CSMD2: variants seen among roughly 807,000 people sequenced by gnomAD.
CSMD2 encodes CUB and Sushi multiple domains 2.
In CSMD2, 130 loss-of-function variants were observed where a neutral mutation model predicts 398.5. The observed-to-expected ratio is 0.33, with a 90% CI of 0.28 to 0.38. The LOEUF is 0.38. Ranked by LOEUF, CSMD2 falls within the 10% of genes least tolerant of loss-of-function variation. The pLI is 1.00. For missense variants in CSMD2, 3,829 were observed against 4,764.9 expected (o/e 0.80, Z 5.78); for synonymous variants, 1,828 against 1,908.5 (o/e 0.96, Z 1.10).
intron 5 of CSMD2, among the ~76,000 whole-genome samples, chr1:33,873,962 G>T (rs1640653349): frequency 6.6e-6 from 1 of 152,194 alleles, no homozygotes; most frequent in Admixed American, 6.5e-5. Context: ...AGGTCTGGTA[G>T]ACTTCAACCT....
At chr1:33,816,240 A>C (rs761978104) in intron 9 of CSMD2, among the ~76,000 whole-genome samples, 2 of 152,256 alleles carry the variant, frequency 1.3e-5, no homozygotes, top group African/African-American at 4.8e-5. Context: ...AATAATATAT[A>C]TAAGTTCCTG....
Position 33,533,747 on chromosome 1 carries a change from G to T in CSMD2, c.9991+49C>A. Reference sequence around the variant, plus strand: ...CATTCAAACATGACCCAGATGCCCAGCTGGGGCAAGAGGAATTTTCTTGGG... The same window carrying T: ...CATTCAAACATGACCCAGATGCCCATCTGGGGCAAGAGGAATTTTCTTGGG... On this transcript the variant is annotated intron_variant, in intron 63 of 70. Coordinates refer to ENST00000373381, the MANE Select transcript of CSMD2 (RefSeq NM_001281956.2). This position sits in a 1 kb window ranked among gnomAD's most constrained non-coding sequence, Gnocchi z 4.2. The T allele has an allele frequency of 7.9e-7, 1 of 1,264,010 alleles. No individual in the cohort carries two copies. Among genetic ancestry groups the T allele is most frequent in the Non-Finnish European group, 1.2e-6 (1 of 862,878 alleles). 78.3% of individuals were successfully genotyped at this position (1,264,010 alleles called of 1,614,324 possible).
chr1:34,028,412 A>G (rs1291161906), intron 3 of CSMD2, among the ~76,000 whole-genome samples: 1 of 152,214 alleles, frequency 6.6e-6, no homozygotes, highest in African/African-American at 2.4e-5. Flanking sequence ...TAAAATTCAG[A>G]TTAACTGAGT....
At chr1:34,053,210 A>G (rs1489424957) in intron 2 of CSMD2, among the ~76,000 whole-genome samples, 1 of 152,176 alleles carries the variant, frequency 6.6e-6, no homozygotes, top group Non-Finnish European at 1.5e-5. Context: ...AAGCAAGTTC[A>G]TGGGCATTTG....
intron 22 of CSMD2, among the ~76,000 whole-genome samples, chr1:33,700,996 C>T (rs937182184): frequency 1.4e-4 from 22 of 152,228 alleles, no homozygotes; most frequent in Non-Finnish European, 1.2e-4. Context: ...TACTCTTTAG[C>T]AGCCTGGGGA....
intron 44 of CSMD2, 66 bp downstream of exon 44, chr1:33,600,799 G>A: frequency 1.9e-5 from 29 of 1,528,252 alleles, no homozygotes; most frequent in South Asian, 2.3e-5. Context: ...TGGTGGAGAC[G>A]GGAGTCAAGC....
chr1:33,742,249 C>A lies in CSMD2; in HGVS notation c.2173+1031G>T, dbSNP rs1255218811. Among the ~76,000 whole-genome samples the A allele has an allele frequency of 2.0e-5, 3 of 152,178 alleles. No homozygotes were observed. In the East Asian group the frequency reaches 5.8e-4, roughly 29 times the overall value. On this transcript the variant is annotated intron_variant, in intron 14 of 70. Transcript: ENST00000373381. Reference sequence around the variant, plus strand: ...GCTGGTCTCTTGGAATCGGGGGACCCAAATGGCCCACCAGGTAGCATCTAA... The same window carrying A: ...GCTGGTCTCTTGGAATCGGGGGACCAAAATGGCCCACCAGGTAGCATCTAA...
At chr1:33,827,020 C>A (rs767552302) in intron 6 of CSMD2, among the ~76,000 whole-genome samples, 2 of 152,208 alleles carry the variant, frequency 1.3e-5, no homozygotes, top group African/African-American at 2.4e-5. Context: ...CACACACAAT[C>A]CATCAGAAAA....
chr1:33,610,065 C>T (rs1053879909), intron 41 of CSMD2, among the ~76,000 whole-genome samples: 1 of 152,172 alleles, frequency 6.6e-6, no homozygotes, highest in African/African-American at 2.4e-5. Flanking sequence ...AGTGGGTCTT[C>T]ACCAGACACG....
chr1:33,537,004 C>T lies in CSMD2; in HGVS notation c.9879+18G>A. On this transcript the variant is annotated intron_variant, in intron 62 of 70. Transcript: ENST00000373381. This position sits in a 1 kb window ranked among gnomAD's most constrained non-coding sequence, Gnocchi z 4.6. ...GGGATAGGATGTAGGAAGACCCTAT[C>T]TTGGCTGACCTCCTTACCTGGTAGC... 1 of 1,613,458 alleles carries T rather than the reference C, an allele frequency of 6.2e-7. No individual in the cohort carries two copies. The highest frequency in any genetic ancestry group is 8.5e-7 in the Non-Finnish European group (1 of 1,179,378).
chr1:33,919,355 G>C (rs1643870558), intron 4 of CSMD2, among the ~76,000 whole-genome samples: 1 of 152,168 alleles, frequency 6.6e-6, no homozygotes, highest in Admixed American at 6.5e-5. Context: ...GTATGTCTGT[G>C]GGGCCTCCAA....
At chr1:33,880,041 T>C (rs1051028329) in intron 5 of CSMD2, among the ~76,000 whole-genome samples, 1 of 152,158 alleles carries the variant, frequency 6.6e-6, no homozygotes, top group Non-Finnish European at 1.5e-5. Flanking sequence ...AACCTGAAGC[T>C]TGAAAGGTTA....
intron 1 of CSMD2, among the ~76,000 whole-genome samples, chr1:34,114,123 G>A (rs951813871): frequency 1.3e-5 from 2 of 152,078 alleles, no homozygotes; most frequent in Non-Finnish European, 2.9e-5. Flanking sequence ...GAGGGAGCAA[G>A]AAATTACAAA....
At chr1:33,970,881 CCT>C (rs1202294983) in intron 3 of CSMD2, among the ~76,000 whole-genome samples, 1 of 152,208 alleles carries the variant, frequency 6.6e-6, no homozygotes, top group Non-Finnish European at 1.5e-5. Context: ...ACCCATGCTG[CCT>C]CTCTCCTCAA....
chr1:33,570,185 T>TTTTTTTTA (rs59242848), intron 51 of CSMD2, among the ~76,000 whole-genome samples: 7 of 125,372 alleles, frequency 5.6e-5, no homozygotes, highest in Admixed American at 8.5e-5. Flanking sequence ...TTTTTTTTTT[T>TTTTTTTTA]GAGACGGAGT....
At chr1:33,847,588 C>A (rs1205078965) in intron 5 of CSMD2, among the ~76,000 whole-genome samples, 2 of 151,976 alleles carry the variant, frequency 1.3e-5, no homozygotes, top group Non-Finnish European at 2.9e-5. Context: ...CAGTATCTGG[C>A]ACATGTTAGC....
At chr1:33,901,348 C>A (rs975352571) in intron 5 of CSMD2, among the ~76,000 whole-genome samples, 5 of 152,170 alleles carry the variant, frequency 3.3e-5, no homozygotes, top group Non-Finnish European at 5.9e-5. Flanking sequence ...ATCTCAGAGG[C>A]TATATTTATT....
chr1:34,096,145 G>A (rs983948968), intron 1 of CSMD2, among the ~76,000 whole-genome samples: 45 of 151,984 alleles, frequency 3.0e-4, no homozygotes, highest in African/African-American at 9.9e-4. Context: ...TATAAACAGA[G>A]CCAAAGACAA....
chr1:33,783,606 G>A (rs1292592384), intron 12 of CSMD2, among the ~76,000 whole-genome samples: 1 of 152,116 alleles, frequency 6.6e-6, no homozygotes, highest in Non-Finnish European at 1.5e-5. Flanking sequence ...CCAGCCTCTA[G>A]AACTGGGAGA....
Sources: allele counts gnomAD v4.1 joint callset (sites outside exome capture counted in the v4.1 genomes callset), GRCh38; gene constraint gnomAD v4.1.1; non-coding constraint Gnocchi (gnomAD v3.1); transcripts MANE v1.5; gene names NCBI Gene and HGNC (gene_info 2026-07-23, HGNC 2026-07-21).